Variants in ARHGAP5 observed in about 807,000 individuals in gnomAD.
The protein encoded by ARHGAP5 is Rho GTPase activating protein 5, also known as rho GTPase-activating protein 5.
In ARHGAP5, 23 loss-of-function variants were observed where a neutral mutation model predicts 116.6. That is an observed-to-expected ratio of 0.20 (90% confidence interval 0.14 to 0.28). The LOEUF (loss-of-function observed/expected upper bound fraction) is 0.28. ARHGAP5 is among the 10% of genes least tolerant of loss of function. The probability of loss-of-function intolerance (pLI) is 1.00; values close to 1 mark genes in which losing one functional copy is unlikely to be tolerated. For missense variants in ARHGAP5, 1,405 were observed against 1,774.8 expected, an observed-to-expected ratio of 0.79 and a Z score of 3.74; for synonymous variants, 574 against 602.0, an observed-to-expected ratio of 0.95 and a Z score of 0.68.
intron 3 of ARHGAP5, among the ~76,000 whole-genome samples, chr14:32,118,185 G>C (rs1262011847): frequency 6.6e-6 from 1 of 152,146 alleles, no homozygotes; most frequent in East Asian, 1.9e-4. Flanking sequence ...ATTTGGTAAG[G>C]AATGTTGACA....
At chr14:32,108,550 A>G (rs570108140) in intron 2 of ARHGAP5, among the ~76,000 whole-genome samples, 2 of 152,134 alleles carry the variant, frequency 1.3e-5, no homozygotes, top group African/African-American at 4.8e-5. Flanking sequence ...GGGAGTTCCT[A>G]TTTTTTCTGC....
intron 2 of ARHGAP5, among the ~76,000 whole-genome samples, chr14:32,105,837 G>T (rs141593956): frequency 2.7e-4 from 41 of 152,088 alleles, no homozygotes; most frequent in African/African-American, 9.2e-4. Flanking sequence ...CTATAATTTT[G>T]TCATTTCAAG....
At position 32,093,371 on chromosome 14, in the gene ARHGAP5, T is replaced by C. The variant is rs1219309275; in HGVS notation, c.2702T>C (p.Met901Thr). The C allele has an allele frequency of 3.7e-6, 6 of 1,613,906 alleles. No individual in the cohort carries two copies. The Admixed American group carries it at 5.0e-5, about 13-fold the overall frequency. ...GAAAATGAGGCTATCAAAGAGTTAA[T>C]GACTGAAGGAGAACACATTGCAACT... Reference protein sequence around the residue: ...FFENEAIKELMTEGEHIATEI... With the variant: ...FFENEAIKELTTEGEHIATEI... The change falls in exon 2 of 7, where the codon ATG becomes ACG. Residue 901 changes from methionine (M) to threonine (T), a missense_variant. By Grantham distance (81) the Met-to-Thr change is moderately conservative (BLOSUM62 -1). Coordinates refer to ENST00000345122, the MANE Select transcript of ARHGAP5 (RefSeq NM_001030055.2).
intron 3 of ARHGAP5, among the ~76,000 whole-genome samples, chr14:32,131,864 T>C (rs1485899835): frequency 6.6e-6 from 1 of 152,224 alleles, no homozygotes; most frequent in East Asian, 1.9e-4. Flanking sequence ...GATAGTTTGC[T>C]GAGAATGATG....
chr14:32,096,141 GT>G (rs540702897), intron 2 of ARHGAP5, among the ~76,000 whole-genome samples: 1,859 of 143,508 alleles, frequency 0.013, 32 homozygotes, highest in African/African-American at 0.043. Context: ...CTATTGGTTT[GT>G]TTTTTTTTTT....
intron 2 of ARHGAP5, among the ~76,000 whole-genome samples, chr14:32,103,169 A>G (rs752307734): frequency 4.3e-4 from 65 of 152,148 alleles, no homozygotes; most frequent in Non-Finnish European, 6.3e-4. Context: ...TTTCTTCAGC[A>G]TTTTTGGTGC....
Position 32,093,920 on chromosome 14 carries a change from A to G in ARHGAP5, c.3251A>G (p.Asp1084Gly). The G allele has an allele frequency of 6.2e-7, 1 of 1,614,134 alleles. No homozygotes were observed. Among genetic ancestry groups the G allele is most frequent in the Non-Finnish European group, 8.5e-7 (1 of 1,179,980 alleles). Residue 1084 changes from aspartate (D) to glycine (G), a missense_variant, in exon 2 of 7, where the codon GAT (aspartate) becomes GGT (glycine). This residue lies in a region of ARHGAP5 where 944 missense variants were observed against 1,095.3 expected (regional missense o/e 0.86). Transcript: ENST00000345122. ...TSRVPLAHPEDMDPSDNYAEP... is the reference protein window; with the variant it reads ...TSRVPLAHPEGMDPSDNYAEP... ...CGGGTGCCTTTGGCACATCCTGAAG[A>G]TATGGATCCTTCAGATAACTATGCG...
intron 3 of ARHGAP5, among the ~76,000 whole-genome samples, chr14:32,137,325 TATCCTTTTCTC>T (rs1338693322): frequency 6.6e-6 from 1 of 150,724 alleles, no homozygotes; most frequent in African/African-American, 2.4e-5. Flanking sequence ...TTGCGAAGAG[TATCCTTTTCTC>T]ATTAAATGGT....
chr14:32,149,791 G>C (rs1268226176), intron 4 of ARHGAP5, 111 bp from the exon 5 acceptor site: 4 of 574,954 alleles, frequency 7.0e-6, no homozygotes, highest in Non-Finnish European at 1.0e-5. Flanking sequence ...AAAAGAAAAA[G>C]AAAAGTGGCC....
Position 32,092,387 on chromosome 14 carries a change from C to A in ARHGAP5, c.1718C>A (p.Ala573Asp), listed in dbSNP as rs753081970. The change falls in exon 2 of 7, where the codon GCT (alanine) becomes GAT (aspartate). Residue 573 changes from alanine (A) to aspartate (D), a missense_variant. Physicochemically the swap from Ala to Asp is moderately radical, Grantham distance 126 (BLOSUM62 -2). Transcript: ENST00000345122. The surrounding 1 kb of genome is among the most constrained non-coding windows in gnomAD (Gnocchi z 4.1). The stretch of plus-strand genomic sequence containing the variant: ...GACATTAAAGTGGAGCAGTTACTTG[C>A]TAGTAGTCTTTTACAGTTGGATCAT... ...CTDIKVEQLL[A>D]SSLLQLDHGR... 6.2e-7 allele frequency: 1 copy of A among 1,613,390 alleles called. No homozygotes were observed. Among genetic ancestry groups the A allele is most frequent in the Non-Finnish European group, 8.5e-7 (1 of 1,179,706 alleles).
intron 4 of ARHGAP5, among the ~76,000 whole-genome samples, chr14:32,147,646 G>A (rs1881438511): frequency 1.3e-5 from 2 of 152,074 alleles, no homozygotes; most frequent in Admixed American, 6.5e-5. Flanking sequence ...GCTCTTCCTT[G>A]CAGTATTGTA....
chr14:32,106,378 C>T (rs1178027320), intron 2 of ARHGAP5, among the ~76,000 whole-genome samples: 1 of 152,198 alleles, frequency 6.6e-6, no homozygotes, highest in Non-Finnish European at 1.5e-5. Flanking sequence ...CTCAGCCTCC[C>T]AAAGTGCTGG....
rs373668066 is a variant in ARHGAP5 at position 32,090,544 on chromosome 14, TGAG to T, written c.-124_-122del. 3.7e-5 allele frequency: 30 copies of T among 811,490 alleles called. No homozygotes were observed. The African/African-American group carries it at 4.8e-4, about 13-fold the overall frequency. The allele number at this position is 811,490 out of a possible 1,614,324, so 50.3% of individuals were successfully genotyped here. On this transcript the variant is annotated 5_prime_UTR_variant, in exon 2 of 7. Transcript: ENST00000345122. Reference sequence around the variant, plus strand: ...TCTTGAAGATGTTTCTGCACAGAAATGAGGGAAATACAAAGAACCAAATACAGT... The same window carrying T: ...TCTTGAAGATGTTTCTGCACAGAAATGGAAATACAAAGAACCAAATACAGT...
In ARHGAP5 at chr14:32,146,340, G is replaced by A; in HGVS notation, c.3943G>A (p.Asp1315Asn). The A allele has an allele frequency of 6.2e-7, 1 of 1,602,878 alleles. No homozygotes were observed. Among genetic ancestry groups the A allele is most frequent in the Non-Finnish European group, 8.5e-7 (1 of 1,170,196 alleles). The change falls in exon 4 of 7, where the codon GAT (aspartate) becomes AAT (asparagine). Residue 1315 changes from aspartate to asparagine, a missense_variant and splice_region_variant. Physicochemically the swap from Asp to Asn is conservative, Grantham distance 23. Transcript: ENST00000345122. ...QDNIQKQFDQ[D>N]HNINLVSMEV... The stretch of plus-strand genomic sequence containing the variant: ...CAATATTCAAAAGCAGTTTGATCAA[G>A]GTAAGAAGATGATTATGTGAAATAA...
intron 3 of ARHGAP5, among the ~76,000 whole-genome samples, chr14:32,143,988 G>A (rs971145622): frequency 6.6e-6 from 1 of 152,180 alleles, no homozygotes; most frequent in Non-Finnish European, 1.5e-5. Flanking sequence ...ATTACCAAGT[G>A]TTCCTTGAGG....
intron 3 of ARHGAP5, among the ~76,000 whole-genome samples, chr14:32,144,835 TC>T (rs1881302294): frequency 6.6e-6 from 1 of 152,210 alleles, no homozygotes; most frequent in Admixed American, 6.5e-5. Flanking sequence ...TGCTGAAACT[TC>T]CTATTTTTCA....
intron 2 of ARHGAP5, among the ~76,000 whole-genome samples, chr14:32,102,092 T>A (rs573893549): frequency 6.6e-6 from 1 of 152,352 alleles, no homozygotes; most frequent in Non-Finnish European, 1.5e-5. Flanking sequence ...TTGAAGTGCT[T>A]GAAAGTTTCA....
chr14:32,129,920 C>T (rs1345146814), intron 3 of ARHGAP5, among the ~76,000 whole-genome samples: 1 of 152,102 alleles, frequency 6.6e-6, no homozygotes, highest in Non-Finnish European at 1.5e-5. Flanking sequence ...GACCACACTT[C>T]CAGGCACAGT....
intron 4 of ARHGAP5, 98 bp downstream of exon 4, chr14:32,146,438 G>A (rs2139139214): frequency 3.6e-6 from 3 of 840,622 alleles, no homozygotes; most frequent in Non-Finnish European, 5.8e-6. Context: ...AACTTCCTAA[G>A]GATATGGATG....
Sources: allele counts gnomAD v4.1 joint callset (sites outside exome capture counted in the v4.1 genomes callset), GRCh38; gene constraint gnomAD v4.1.1; regional missense constraint gnomAD v4.1.1; non-coding constraint Gnocchi (gnomAD v3.1); transcripts MANE v1.5; gene names NCBI Gene and HGNC (gene_info 2026-07-23, HGNC 2026-07-21).